RAB12: variants seen among roughly 807,000 people sequenced by gnomAD.
The protein encoded by RAB12 is RAB12, member RAS oncogene family, also known as ras-related protein Rab-12.
A neutral mutation model predicts 28.4 loss-of-function variants in RAB12; 11 were observed. The ratio of observed to expected loss-of-function variants is 0.39; its 90% confidence interval spans 0.24 to 0.64. RAB12 has a LOEUF of 0.64. Among genes scored for constraint, RAB12 ranks in the 30% least tolerant of loss-of-function variants. The pLI is 0.50. For missense variants in RAB12, 276 were observed against 351.1 expected (o/e 0.79, Z 1.71); for synonymous variants, 138 against 145.3 (o/e 0.95, Z 0.36).
At chr18:8,638,044 C>T in intron 5 of RAB12, 105 bp from the exon 6 acceptor site, 1 of 660,548 alleles carries the variant, frequency 1.5e-6, no homozygotes, top group Non-Finnish European at 2.6e-6. Flanking sequence ...TGAAAAGCAG[C>T]TGTGTATAAG....
At chr18:8,612,002 G>A (rs1008012100) in intron 1 of RAB12, among the ~76,000 whole-genome samples, 1 of 152,210 alleles carries the variant, frequency 6.6e-6, no homozygotes, top group Non-Finnish European at 1.5e-5. Context: ...ACGCCAGCCA[G>A]CTCCACTTCA....
intron 5 of RAB12, among the ~76,000 whole-genome samples, 156 bp from the exon 6 acceptor site, chr18:8,637,993 A>G (rs1161735492): frequency 6.6e-6 from 1 of 151,392 alleles, no homozygotes; most frequent in Non-Finnish European, 1.5e-5. Context: ...GGCGGAGGAG[A>G]AGGTGAGTGG....
chr18:8,613,692 G>A (rs11081397), intron 1 of RAB12, among the ~76,000 whole-genome samples: 22,657 of 152,034 alleles, frequency 0.15, 1,903 homozygotes, highest in South Asian at 0.21. Flanking sequence ...ACCTACCCCC[G>A]CCCTTGCTCC....
chr18:8,613,072 A>T (rs1481585577), intron 1 of RAB12, among the ~76,000 whole-genome samples: 1 of 152,238 alleles, frequency 6.6e-6, no homozygotes, highest in Non-Finnish European at 1.5e-5. Flanking sequence ...AATGAGCAAA[A>T]TGTTGTTTTT....
chr18:8,610,012 G>A, intron 1 of RAB12, 59 bp downstream of exon 1: 11 of 1,335,604 alleles, frequency 8.2e-6, no homozygotes, highest in African/African-American at 1.5e-5. Context: ...GGTGCCCTTC[G>A]CCCCGTGGGC....
intron 2 of RAB12, among the ~76,000 whole-genome samples, chr18:8,629,847 C>G (rs1390066002): frequency 6.6e-6 from 1 of 152,196 alleles, no homozygotes; most frequent in Non-Finnish European, 1.5e-5. Flanking sequence ...GTGAGAGGCT[C>G]TGGTGGCCTT....
At chr18:8,637,096 T>G (rs1385109083) in intron 5 of RAB12, among the ~76,000 whole-genome samples, 1 of 151,980 alleles carries the variant, frequency 6.6e-6, no homozygotes, top group African/African-American at 2.4e-5. Flanking sequence ...AAGCCCCATC[T>G]CTACAAAAAA....
At chr18:8,633,394 A>G in intron 3 of RAB12, 67 bp downstream of exon 3, 1 of 1,563,020 alleles carries the variant, frequency 6.4e-7, no homozygotes, top group Non-Finnish European at 8.8e-7. Flanking sequence ...TATTAAAAGA[A>G]GGAGGGGAAA....
At chr18:8,612,846 G>C (rs2096004604) in intron 1 of RAB12, among the ~76,000 whole-genome samples, 1 of 151,998 alleles carries the variant, frequency 6.6e-6, no homozygotes, top group Non-Finnish European at 1.5e-5. Context: ...TTGATTTTTA[G>C]TAGAGACAAA....
intron 1 of RAB12, 150 bp from the exon 2 acceptor site, chr18:8,624,788 T>TA (rs966329162): frequency 3.3e-6 from 2 of 613,320 alleles, no homozygotes; most frequent in Admixed American, 2.9e-5. Context: ...CTGGTGCAGA[T>TA]ACTGCTTTTC....
intron 2 of RAB12, among the ~76,000 whole-genome samples, chr18:8,625,681 G>T (rs926944727): frequency 6.6e-6 from 1 of 152,238 alleles, no homozygotes; most frequent in Non-Finnish European, 1.5e-5. Flanking sequence ...GAAGGGATAA[G>T]ATCTGGTCTG....
chr18:8,625,295 C>A (rs1306395827), intron 2 of RAB12, among the ~76,000 whole-genome samples: 2 of 152,182 alleles, frequency 1.3e-5, no homozygotes, highest in African/African-American at 2.4e-5. Context: ...TCAAAACTGT[C>A]TCCACTAAAA....
At position 8,636,936 on chromosome 18, in the gene RAB12, C is replaced by T. The variant is rs144122770; in HGVS notation, c.909+579C>T. Among the ~76,000 whole-genome samples, 59 of 152,126 alleles carry T rather than the reference C, an allele frequency of 3.9e-4. No individual in the cohort carries two copies. In the East Asian group the frequency reaches 9.5e-3, roughly 24 times the overall value. On this transcript the variant is annotated intron_variant, in intron 5 of 5. Transcript: ENST00000649141. The stretch of plus-strand genomic sequence containing the variant: ...AGTTTATGTTATTAAGTGAAATTTG[C>T]TCAGTTCATACATAATTCAGAAGCT...
chr18:8,609,791 C>T lies in RAB12; in HGVS notation c.352C>T (p.Pro118Ser), dbSNP rs752093779. The change falls in exon 1 of 6, where the codon CCG (proline) becomes TCG (serine). Residue 118 changes from proline (P) to serine (S), a missense_variant. Transcript: ENST00000649141. ...GGGGGLGAGS[P>S]ALSGGQGRRR... ...CGGCGGCGGTCTGGGCGCGGGCTCC[C>T]CGGCGCTGTCGGGCGGCCAGGGCCG... is the stretch of plus-strand genomic sequence containing the variant. 6.0e-5 allele frequency: 84 copies of T among 1,390,144 alleles called. No individual in the cohort carries two copies. The East Asian group carries it at 1.9e-3, about 32-fold the overall frequency. 86.1% of individuals were successfully genotyped at this position (1,390,144 alleles called of 1,614,324 possible). A position where few individuals can be genotyped will look rare whatever the true frequency, so the allele number is the denominator to read the frequency against.
At position 8,638,483 on chromosome 18, in the gene RAB12, C is replaced by G. The variant is rs2096020256; in HGVS notation, c.*221C>G. 1 of 501,964 alleles carries G rather than the reference C, an allele frequency of 2.0e-6. No individual in the cohort carries two copies. Among genetic ancestry groups the G allele is most frequent in the Non-Finnish European group, 3.6e-6 (1 of 277,410 alleles). The allele number at this position is 501,964 out of a possible 1,614,324, so 31.1% of individuals were successfully genotyped here. A position where few individuals can be genotyped will look rare whatever the true frequency, so the allele number is the denominator to read the frequency against. On this transcript the variant is annotated 3_prime_UTR_variant, in exon 6 of 6. Transcript: ENST00000649141. ...TATATTTCATTCATTACCCCAGTGT[C>G]TAGTGTACATACACTGGGAAACCTA...
chr18:8,638,313 C>A lies in RAB12; in HGVS notation c.*51C>A. ...AATGATTCCTGGAAAGGGGAAAAAA[C>A]GTTCTATTCTGCACTACAATCATTT... On this transcript the variant is annotated 3_prime_UTR_variant, in exon 6 of 6. Transcript: ENST00000649141. The A allele has an allele frequency of 7.7e-7, 1 of 1,291,864 alleles. No homozygotes were observed. Among genetic ancestry groups the A allele is most frequent in the East Asian group, 2.3e-5 (1 of 43,230 alleles). The allele number at this position is 1,291,864 out of a possible 1,614,324, so 80.0% of individuals were successfully genotyped here.
chr18:8,609,508 CGGA>C lies in RAB12; in HGVS notation c.84_86del (p.Gly29del), dbSNP rs771743748. The C allele has an allele frequency of 2.7e-4, 41 of 150,136 alleles. No individual in the cohort carries two copies. The highest frequency in any genetic ancestry group is 5.4e-4 in the South Asian group (3 of 5,598). The allele number at this position is 150,136 out of a possible 1,614,324, so 9.3% of individuals were successfully genotyped here. A position where few individuals can be genotyped will look rare whatever the true frequency, so the allele number is the denominator to read the frequency against. On this transcript the variant is annotated inframe_deletion, in exon 1 of 6. Transcript: ENST00000649141. Reference sequence around the variant, plus strand: ...CTCCCGGCGGCGGCGGCGGCAGCGGCGGAGGAGGAGGAGGAGGGGACCCGGGCG... The same window carrying C: ...CTCCCGGCGGCGGCGGCGGCAGCGGCGGAGGAGGAGGAGGGGACCCGGGCG...
At position 8,635,448 on chromosome 18, in the gene RAB12, A is replaced by G. The variant is rs115596977; in HGVS notation, c.715-85A>G. ...GTGAATGGACAAATGTAAATTAGCG[A>G]AAAATACTGTATCGGTTTATATTTC... On this transcript the variant is annotated intron_variant, in intron 3 of 5. Coordinates refer to ENST00000649141, the MANE Select transcript of RAB12 (RefSeq NM_001025300.3). The G allele has an allele frequency of 2.0e-3, 2,001 of 1,022,584 alleles. 21 individuals carry two copies. In the African/African-American group the frequency reaches 0.027, roughly 14 times the overall value. The allele number at this position is 1,022,584 out of a possible 1,614,324, so 63.3% of individuals were successfully genotyped here.
intron 1 of RAB12, among the ~76,000 whole-genome samples, chr18:8,619,625 T>C (rs907599531): frequency 2.0e-5 from 3 of 152,342 alleles, no homozygotes; most frequent in Middle Eastern, 3.4e-3. Flanking sequence ...CCTTTCATTG[T>C]GGGCAGTGGT....
Sources: gnomAD v4.1 joint callset for allele counts (sites outside exome capture counted in the v4.1 genomes callset) on GRCh38, gnomAD v4.1.1 for gene constraint, MANE v1.5 for transcripts, NCBI Gene and HGNC (gene_info 2026-07-23, HGNC 2026-07-21) for gene names.